Variants in GABRA1 observed in about 807,000 individuals in gnomAD.
GABRA1 encodes gamma-aminobutyric acid receptor subunit alpha-1.
Under a neutral mutation model 48.9 loss-of-function variants are expected in GABRA1, and 9 were observed. The observed-to-expected ratio is 0.18, with a 90% CI of 0.11 to 0.32. The LOEUF is 0.32. Ranked by LOEUF, GABRA1 falls within the 10% of genes least tolerant of loss-of-function variation. GABRA1 has a pLI of 1.00. For synonymous variants in GABRA1, 210 were observed against 198.7 expected, an observed-to-expected ratio of 1.06 and a Z score of -0.48; for missense variants, 285 against 553.8, an observed-to-expected ratio of 0.51 and a Z score of 4.87.
In GABRA1 at chr5:161,868,398, G is replaced by C. The variant is rs74695189; in HGVS notation, c.255+2610G>C. On this transcript the variant is annotated intron_variant, in intron 4 of 9. Coordinates refer to ENST00000393943, the MANE Select transcript of GABRA1 (RefSeq NM_001127644.2). ...CCAAATGGAAAAGACAAGAGAAAAGGACTGAAATAGGTAAAATTGATGTTT... is the reference window on the plus strand; with the variant it reads ...CCAAATGGAAAAGACAAGAGAAAAGCACTGAAATAGGTAAAATTGATGTTT... Among the ~76,000 whole-genome samples, 836 of 145,570 alleles carry C rather than the reference G, an allele frequency of 5.7e-3. 4 individuals carry two copies. The highest frequency in any genetic ancestry group is 0.02 in the African/African-American group (772 of 38,486).
At chr5:161,889,545 C>G (rs1326914406) in intron 7 of GABRA1, among the ~76,000 whole-genome samples, 1 of 151,964 alleles carries the variant, frequency 6.6e-6, no homozygotes, top group Non-Finnish European at 1.5e-5. Context: ...TATAGATGAG[C>G]AAAATATTCA....
At chr5:161,887,119 A>G (rs1350372) in intron 7 of GABRA1, among the ~76,000 whole-genome samples, 81,830 of 152,022 alleles carry the variant, frequency 0.54, 22,672 homozygotes, top group Admixed American at 0.61. Context: ...AGTTCTCCAT[A>G]TTTACCTAAA....
At chr5:161,862,004 G>T (rs1331349398) in intron 3 of GABRA1, among the ~76,000 whole-genome samples, 2 of 151,826 alleles carry the variant, frequency 1.3e-5, no homozygotes, top group Admixed American at 6.6e-5. Flanking sequence ...CATTTCCGGG[G>T]AAAATATGGC....
At chr5:161,887,319 T>A (rs942829569) in intron 7 of GABRA1, among the ~76,000 whole-genome samples, 10 of 152,132 alleles carry the variant, frequency 6.6e-5, no homozygotes, top group African/African-American at 1.2e-4. Flanking sequence ...AAAGCAACAG[T>A]CTTCTTTGAC....
intron 2 of GABRA1, 138 bp from the exon 3 acceptor site, chr5:161,854,020 T>G: frequency 3.7e-6 from 2 of 541,006 alleles, no homozygotes; most frequent in South Asian, 2.9e-5. Context: ...ACATTCCTTT[T>G]TACCTTGTGA....
intron 8 of GABRA1, among the ~76,000 whole-genome samples, chr5:161,891,321 T>A (rs370144277): frequency 1.9e-4 from 29 of 152,244 alleles, no homozygotes; most frequent in South Asian, 8.3e-4. Flanking sequence ...AGGCATAAAA[T>A]GCATAATATT....
At chr5:161,896,028 T>A (rs1011875637) in intron 9 of GABRA1, among the ~76,000 whole-genome samples, 160 bp downstream of exon 9, 13 of 152,140 alleles carry the variant, frequency 8.5e-5, no homozygotes, top group African/African-American at 3.1e-4. Context: ...AATTTTGTTA[T>A]TGATAAAGGG....
chr5:161,894,727 A>G (rs1755281484), intron 8 of GABRA1, among the ~76,000 whole-genome samples: 1 of 152,172 alleles, frequency 6.6e-6, no homozygotes, highest in Admixed American at 6.5e-5. Flanking sequence ...AGTATAGTGC[A>G]TTACAAATAG....
intron 5 of GABRA1, among the ~76,000 whole-genome samples, chr5:161,873,679 G>A (rs757792632): frequency 4.6e-5 from 7 of 151,938 alleles, no homozygotes; most frequent in African/African-American, 9.7e-5. Flanking sequence ...ATCTACATCT[G>A]AAAACATTCC....
At chr5:161,887,502 A>G (rs987194339) in intron 7 of GABRA1, among the ~76,000 whole-genome samples, 4 of 152,162 alleles carry the variant, frequency 2.6e-5, no homozygotes. Context: ...AAATGAAGAC[A>G]TGGTCCCAGA....
chr5:161,867,816 C>G (rs1236123868), intron 4 of GABRA1, among the ~76,000 whole-genome samples: 1 of 152,034 alleles, frequency 6.6e-6, no homozygotes, highest in East Asian at 1.9e-4. Flanking sequence ...TTTTTGTATT[C>G]TAATCACATG....
chr5:161,859,676 G>T (rs1333836377), intron 3 of GABRA1, among the ~76,000 whole-genome samples: 1 of 151,626 alleles, frequency 6.6e-6, no homozygotes, highest in Non-Finnish European at 1.5e-5. Flanking sequence ...TTGTAACATT[G>T]AGATCAGAGA....
At chr5:161,850,961 C>A in intron 2 of GABRA1, 77 bp downstream of exon 2, 2 of 1,248,400 alleles carry the variant, frequency 1.6e-6, no homozygotes, top group South Asian at 1.2e-5. Flanking sequence ...AGAAAATTGT[C>A]CTCAAATGAA....
intron 7 of GABRA1, among the ~76,000 whole-genome samples, chr5:161,888,576 T>C (rs746013732): frequency 1.9e-4 from 29 of 152,076 alleles, no homozygotes; most frequent in Non-Finnish European, 3.5e-4. Flanking sequence ...TCTGACATTA[T>C]ATACAGATGA....
chr5:161,854,495 T>C (rs1757571571), intron 3 of GABRA1, among the ~76,000 whole-genome samples: 1 of 151,710 alleles, frequency 6.6e-6, no homozygotes, highest in African/African-American at 2.4e-5. Context: ...ACGAAGCAGA[T>C]GCTACATTTA....
intron 4 of GABRA1, among the ~76,000 whole-genome samples, chr5:161,870,133 T>G (rs909105244): frequency 1.3e-5 from 2 of 152,146 alleles, no homozygotes; most frequent in African/African-American, 4.8e-5. Context: ...TCCCATTTTA[T>G]AGATTAAGAA....
intron 3 of GABRA1, among the ~76,000 whole-genome samples, chr5:161,860,447 G>A (rs968773911): frequency 6.7e-6 from 1 of 149,918 alleles, no homozygotes; most frequent in Non-Finnish European, 1.5e-5. Flanking sequence ...AACCCATGGA[G>A]ACAGAGAGTA....
chr5:161,848,902 C>G (rs1757327769), intron 1 of GABRA1: 4 of 451,366 alleles, frequency 8.9e-6, no homozygotes, highest in South Asian at 6.2e-5. Context: ...GGAAGGCACG[C>G]TCTTGTCCTG....
Position 161,897,373 on chromosome 5 carries a change from C to T in GABRA1, c.1322C>T (p.Thr441Met), listed in dbSNP as rs145217327. The T allele has an allele frequency of 1.9e-6, 3 of 1,614,088 alleles. No individual in the cohort carries two copies. The highest frequency in any genetic ancestry group is 2.5e-6 in the Non-Finnish European group (3 of 1,179,982). ...FGIFNLVYWA[T>M]YLNREPQLKA... ...ATCTTTAACTTAGTCTACTGGGCTA[C>T]GTATTTAAACAGAGAGCCTCAGCTA... The change falls in exon 10 of 10, where the codon ACG becomes ATG. Residue 441 changes from threonine to methionine, a missense_variant. By Grantham distance (81) the Thr-to-Met change is moderately conservative (BLOSUM62 -1). Transcript: ENST00000393943.
Sources: gnomAD v4.1 joint callset for allele counts (sites outside exome capture counted in the v4.1 genomes callset) on GRCh38, gnomAD v4.1.1 for gene constraint, MANE v1.5 for transcripts, NCBI Gene and HGNC (gene_info 2026-07-23, HGNC 2026-07-21) for gene names.